The following OR2L13 variants were observed in gnomAD, a reference collection of about 807,000 sequenced individuals.
OR2L13 encodes the protein olfactory receptor family 2 subfamily L member 13, also known as olfactory receptor 2L13.
In OR2L13, 14 loss-of-function variants were observed where a neutral mutation model predicts 15.3. The observed-to-expected ratio is 0.91, with a 90% CI of 0.60 to 1.43. The LOEUF (loss-of-function observed/expected upper bound fraction) is 1.43. Ranked by LOEUF, OR2L13 falls within the 40% of genes most tolerant of loss-of-function variation. The pLI is 0.00. For missense variants in OR2L13, 367 were observed against 387.9 expected, an observed-to-expected ratio of 0.95 and a Z score of 0.45; for synonymous variants, 152 against 142.9, an observed-to-expected ratio of 1.06 and a Z score of -0.45.
chr1:248,067,995 G>C, the OR2L13 span, among the ~76,000 whole-genome samples: 56 of 152,392 alleles, frequency 3.7e-4, no homozygotes, highest in African/African-American at 8.2e-4. Flanking sequence ...CAGGCGGGAA[G>C]CTCGAACTGG....
chr1:247,948,368 G>A, the OR2L13 span, among the ~76,000 whole-genome samples: 1 of 152,118 alleles, frequency 6.6e-6, no homozygotes, highest in Admixed American at 6.5e-5. Context: ...ATGTATCTGA[G>A]TTTGCGTCAG....
At chr1:247,995,418 C>G in the OR2L13 span, among the ~76,000 whole-genome samples, 5,088 of 152,258 alleles carry the variant, frequency 0.033, 238 homozygotes, top group African/African-American at 0.12. Context: ...TGAGTACCTG[C>G]TCTGCATTCA....
At chr1:248,039,359 T>C in the OR2L13 span, 1 of 481,688 alleles carries the variant, frequency 2.1e-6, no homozygotes, top group African/African-American at 2.3e-5. Context: ...AATATTATAA[T>C]ACATATTAAT....
chr1:248,032,292 T>G, the OR2L13 span, among the ~76,000 whole-genome samples: 1 of 152,158 alleles, frequency 6.6e-6, no homozygotes, highest in Admixed American at 6.5e-5. Flanking sequence ...TTTAAATGTT[T>G]TTATTATTTT....
At chr1:248,047,471 T>C in the OR2L13 span, among the ~76,000 whole-genome samples, 5 of 152,326 alleles carry the variant, frequency 3.3e-5, no homozygotes, top group East Asian at 9.6e-4. Context: ...AGTGCAATGA[T>C]ATATTTTCTT....
At chr1:248,032,756 T>G in the OR2L13 span, among the ~76,000 whole-genome samples, 4,788 of 152,296 alleles carry the variant, frequency 0.031, 228 homozygotes, top group African/African-American at 0.11. Flanking sequence ...TCTCTGTGGA[T>G]GGACACTTAA....
the OR2L13 span, among the ~76,000 whole-genome samples, chr1:248,066,251 A>T: frequency 6.6e-6 from 1 of 152,202 alleles, no homozygotes; most frequent in Admixed American, 6.5e-5. Context: ...AAAATGAATA[A>T]AACTTATATG....
chr1:247,995,273 T>C, the OR2L13 span, among the ~76,000 whole-genome samples: 2 of 152,334 alleles, frequency 1.3e-5, no homozygotes, highest in Non-Finnish European at 2.9e-5. Context: ...CTCTCATAGA[T>C]CCCACTATTT....
At chr1:247,949,147 G>C in the OR2L13 span, 1 of 1,613,882 alleles carries the variant, frequency 6.2e-7, no homozygotes, top group Non-Finnish European at 8.5e-7. Context: ...ACTGGGTGTG[G>C]GATTCAGAGT....
At chr1:248,019,748 CCTTCTCCTTCTT>C in the OR2L13 span, among the ~76,000 whole-genome samples, 1 of 151,092 alleles carries the variant, frequency 6.6e-6, no homozygotes, top group Admixed American at 6.6e-5. Flanking sequence ...TTCTCCTTCT[CCTTCTCCTTCTT>C]CTTCTTCTTT....
the OR2L13 span, chr1:247,965,126 A>C: frequency 7.7e-6 from 3 of 388,632 alleles, no homozygotes; most frequent in African/African-American, 2.1e-5. Flanking sequence ...GTTTGCATAT[A>C]TAATCTGTCT....
the OR2L13 span, among the ~76,000 whole-genome samples, chr1:247,986,874 T>G: frequency 3.3e-5 from 5 of 151,962 alleles, no homozygotes; most frequent in African/African-American, 1.2e-4. Context: ...CATTGAATCT[T>G]TAAGTAACTT....
At chr1:248,098,335 T>C (rs578084423) in intron 1 of OR2L13, among the ~76,000 whole-genome samples, 33 of 152,288 alleles carry the variant, frequency 2.2e-4, no homozygotes, top group Non-Finnish European at 4.7e-4. Flanking sequence ...TTTGAGGAAA[T>C]GAATGTATCA....
the OR2L13 span, among the ~76,000 whole-genome samples, chr1:248,065,168 C>T: frequency 5.9e-5 from 9 of 152,128 alleles, no homozygotes; most frequent in African/African-American, 1.9e-4. Context: ...GTTCATTGTG[C>T]CTCGTTTTAG....
the OR2L13 span, among the ~76,000 whole-genome samples, chr1:247,972,481 A>G: frequency 1.3e-5 from 2 of 152,232 alleles, no homozygotes; most frequent in Admixed American, 1.3e-4. Context: ...AGAATACTAT[A>G]AACATCTCTA....
chr1:248,023,543 T>C, the OR2L13 span: 2 of 152,218 alleles, frequency 1.3e-5, no homozygotes, highest in African/African-American at 4.8e-5. Context: ...ACACAATGTT[T>C]GTCTCCTGAG....
chr1:247,999,083 G>A, the OR2L13 span, among the ~76,000 whole-genome samples: 2 of 152,098 alleles, frequency 1.3e-5, no homozygotes, highest in South Asian at 2.1e-4. Context: ...AGTAAGACAC[G>A]TTCACTATCT....
chr1:248,057,915 C>T, the OR2L13 span, among the ~76,000 whole-genome samples: 147,145 of 152,278 alleles, frequency 0.97, 71,293 homozygotes, highest in Middle Eastern at 1. Flanking sequence ...CATATGCAAA[C>T]AGAAATAATT....
the OR2L13 span, among the ~76,000 whole-genome samples, chr1:248,025,646 A>T: frequency 6.8e-6 from 1 of 146,210 alleles, no homozygotes; most frequent in South Asian, 2.1e-4. Context: ...AGACACATGC[A>T]CATGTATGTT....
Sources: gnomAD v4.1 joint callset for allele counts (sites outside exome capture counted in the v4.1 genomes callset) on GRCh38, gnomAD v4.1.1 for gene constraint, MANE v1.5 for transcripts, NCBI Gene and HGNC (gene_info 2026-07-23, HGNC 2026-07-21) for gene names.